Variants in CFAP210 observed in about 807,000 individuals in gnomAD.
The protein encoded by CFAP210 is cilia and flagella associated protein 210, also known as cilia- and flagella- associated protein 210.
chr2:169,662,816 T>C, the CFAP210 span, among the ~76,000 whole-genome samples: 1 of 152,206 alleles, frequency 6.6e-6, no homozygotes, highest in African/African-American at 2.4e-5. Context: ...GGGCCTAGCC[T>C]CTCAAGGAAT....
the CFAP210 span, among the ~76,000 whole-genome samples, chr2:169,662,691 G>C: frequency 5.3e-5 from 8 of 152,102 alleles, no homozygotes; most frequent in Admixed American, 5.2e-4. Flanking sequence ...TTTTCCTTTA[G>C]AAAGAACCAG....
the CFAP210 span, among the ~76,000 whole-genome samples, chr2:169,684,293 A>G: frequency 1.1e-4 from 17 of 152,228 alleles, no homozygotes; most frequent in Non-Finnish European, 2.5e-4. Flanking sequence ...CACATTTTCC[A>G]TGGATTAGAT....
At chr2:169,678,337 G>A in the CFAP210 span, among the ~76,000 whole-genome samples, 31,328 of 103,186 alleles carry the variant, frequency 0.3, 4,104 homozygotes, top group Middle Eastern at 0.35. Context: ...GCGAAACTCT[G>A]TTGCAAAAAA....
chr2:169,684,620 T>C, the CFAP210 span, among the ~76,000 whole-genome samples: 2 of 152,020 alleles, frequency 1.3e-5, no homozygotes, highest in South Asian at 4.2e-4. Context: ...ATTCACATTG[T>C]AGAATGTATC....
chr2:169,669,857 G>C, the CFAP210 span, among the ~76,000 whole-genome samples: 2 of 152,018 alleles, frequency 1.3e-5, no homozygotes, highest in Non-Finnish European at 2.9e-5. Context: ...GATACTATGA[G>C]ACATTGAAAT....
the CFAP210 span, chr2:169,674,789 G>T: frequency 2.6e-6 from 4 of 1,525,394 alleles, no homozygotes; most frequent in East Asian, 7.1e-5. Flanking sequence ...AAAAATTATA[G>T]TACTTTAAGG....
chr2:169,690,758 A>C, the CFAP210 span, among the ~76,000 whole-genome samples: 1 of 151,890 alleles, frequency 6.6e-6, no homozygotes, highest in Non-Finnish European at 1.5e-5. Flanking sequence ...TCTTATAAGA[A>C]ATTTGTTGTT....
At chr2:169,691,459 T>TG in the CFAP210 span, among the ~76,000 whole-genome samples, 269 of 152,128 alleles carry the variant, frequency 1.8e-3, 1 homozygote, top group African/African-American at 5.9e-3. Context: ...TTAGGTCAGT[T>TG]GGGGGGGCAG....
the CFAP210 span, among the ~76,000 whole-genome samples, chr2:169,664,902 T>A: frequency 6.6e-6 from 1 of 152,232 alleles, no homozygotes; most frequent in Admixed American, 6.5e-5. Context: ...TGTTGTATAG[T>A]TCTCCTGTAA....
chr2:169,650,075 A>AC, the CFAP210 span, among the ~76,000 whole-genome samples: 1 of 152,220 alleles, frequency 6.6e-6, no homozygotes, highest in Admixed American at 6.5e-5. Context: ...ATAACAAATA[A>AC]CCTTTGCGTT....
the CFAP210 span, chr2:169,681,178 T>C: frequency 3.1e-6 from 5 of 1,613,782 alleles, no homozygotes. Flanking sequence ...GGAGATCTAC[T>C]TTGCTAGGTA....
chr2:169,663,420 C>T, the CFAP210 span, among the ~76,000 whole-genome samples: 5 of 152,130 alleles, frequency 3.3e-5, no homozygotes, highest in African/African-American at 1.2e-4. Context: ...AGGCTGGTCT[C>T]AAACTCCTGG....
the CFAP210 span, chr2:169,654,149 T>C: frequency 1.9e-6 from 3 of 1,600,860 alleles, no homozygotes; most frequent in Admixed American, 3.4e-5. Flanking sequence ...TTCTCATCTT[T>C]TCATCTTCTT....
the CFAP210 span, chr2:169,674,560 T>C: frequency 3.2e-6 from 5 of 1,542,822 alleles, no homozygotes; most frequent in Non-Finnish European, 4.3e-6. Context: ...CAAAAAGGTA[T>C]TTTATGTATA....
At chr2:169,656,163 G>A in the CFAP210 span, among the ~76,000 whole-genome samples, 1 of 152,096 alleles carries the variant, frequency 6.6e-6, no homozygotes, top group Non-Finnish European at 1.5e-5. Context: ...GGCAGCACAT[G>A]CCTGTAGTCC....
chr2:169,653,433 T>C, the CFAP210 span, among the ~76,000 whole-genome samples: 1 of 151,886 alleles, frequency 6.6e-6, no homozygotes, highest in Non-Finnish European at 1.5e-5. Context: ...AAAGACTAAG[T>C]GAGATGTGAA....
At chr2:169,660,267 G>T in the CFAP210 span, among the ~76,000 whole-genome samples, 2 of 151,654 alleles carry the variant, frequency 1.3e-5, no homozygotes, top group South Asian at 4.2e-4. Flanking sequence ...GTGCGTGCCT[G>T]TAATCCTAGC....
the CFAP210 span, chr2:169,653,934 C>T: frequency 1.0e-5 from 9 of 859,118 alleles, no homozygotes; most frequent in African/African-American, 3.4e-5. Context: ...CTCACACCCA[C>T]GTCCCAAACT....
chr2:169,654,847 G>GA, the CFAP210 span, among the ~76,000 whole-genome samples: 14 of 151,894 alleles, frequency 9.2e-5, no homozygotes. Context: ...AACCAAAAAT[G>GA]TTTTTTTACA....
Sources: allele counts gnomAD v4.1 joint callset (sites outside exome capture counted in the v4.1 genomes callset), GRCh38; gene constraint gnomAD v4.1.1; transcripts MANE v1.5; gene names NCBI Gene and HGNC (gene_info 2026-07-23, HGNC 2026-07-21).